The following CDH4 variants were observed in gnomAD, a reference collection of about 807,000 sequenced individuals.
CDH4 encodes the protein cadherin-4.
Under a neutral mutation model 86.0 loss-of-function variants are expected in CDH4, and 33 were observed. The ratio of observed to expected loss-of-function variants is 0.38; its 90% CI spans 0.29 to 0.51. The LOEUF (loss-of-function observed/expected upper bound fraction) is 0.51. Ranked by LOEUF, CDH4 falls within the 20% of genes least tolerant of loss-of-function variation. The pLI, the probability that CDH4 is intolerant of heterozygous loss-of-function variation, is 0.86. For missense variants in CDH4, 1,114 were observed against 1,307.4 expected, an observed-to-expected ratio of 0.85 and a Z score of 2.28; for synonymous variants, 555 against 549.4, an observed-to-expected ratio of 1.01 and a Z score of -0.14.
intron 2 of CDH4, among the ~76,000 whole-genome samples, chr20:61,736,511 C>T (rs2088264631): frequency 6.6e-6 from 1 of 152,140 alleles, no homozygotes; most frequent in African/African-American, 2.4e-5. Flanking sequence ...TGTCCTGCCC[C>T]ACACTCTCAG....
intron 4 of CDH4, among the ~76,000 whole-genome samples, chr20:61,839,594 T>C (rs1184987066): frequency 6.6e-6 from 1 of 151,544 alleles, no homozygotes; most frequent in Non-Finnish European, 1.5e-5. Context: ...TGTGTATGTG[T>C]ATTGAGTGTA....
At chr20:61,872,391 A>C (rs1983843259) in intron 6 of CDH4, among the ~76,000 whole-genome samples, 3 of 152,176 alleles carry the variant, frequency 2.0e-5, no homozygotes, top group Admixed American at 2.0e-4. Context: ...AGAGGGAAGA[A>C]CGTTCCAGAT....
At chr20:61,820,135 A>G (rs1980939103) in intron 4 of CDH4, among the ~76,000 whole-genome samples, 1 of 151,998 alleles carries the variant, frequency 6.6e-6, no homozygotes, top group Non-Finnish European at 1.5e-5. Context: ...GTCTTCCCAA[A>G]CCGGTTTTGC....
chr20:61,408,851 C>A (rs2085098904), intron 2 of CDH4, among the ~76,000 whole-genome samples: 1 of 152,114 alleles, frequency 6.6e-6, no homozygotes, highest in Non-Finnish European at 1.5e-5. Context: ...TCCTCAGTAC[C>A]CCAGGCCCTC....
chr20:61,835,291 C>T (rs1277006126), intron 4 of CDH4, among the ~76,000 whole-genome samples: 1 of 152,160 alleles, frequency 6.6e-6, no homozygotes, highest in Non-Finnish European at 1.5e-5. Flanking sequence ...TCTTGAACTC[C>T]TGGCCTCAAG....
Position 61,937,274 on chromosome 20 carries a change from CT to C in CDH4, c.*335del, listed in dbSNP as rs1359278281. On this transcript the variant is annotated 3_prime_UTR_variant, in exon 16 of 16. Transcript: ENST00000614565. ...GAAAAAAAAAAAAAAAAGAAAGTGC[CT>C]TTTGGTACATGTATCAGATTCCCTC... 5.3e-6 allele frequency: 1 copy of C among 188,112 alleles called. No individual in the cohort carries two copies. Among genetic ancestry groups the C allele is most frequent in the Non-Finnish European group, 1.1e-5 (1 of 95,008 alleles). The allele number at this position is 188,112 out of a possible 1,614,324, so 11.7% of individuals were successfully genotyped here. A position where few individuals can be genotyped will look rare whatever the true frequency, so the allele number is the denominator to read the frequency against.
intron 2 of CDH4, among the ~76,000 whole-genome samples, chr20:61,607,858 G>A (rs1050439645): frequency 5.3e-5 from 8 of 152,220 alleles, no homozygotes; most frequent in African/African-American, 1.9e-4. Context: ...TGATGCTTTT[G>A]TTGTATGGAC....
chr20:61,866,219 T>C (rs1262318970), intron 6 of CDH4, among the ~76,000 whole-genome samples: 3 of 152,214 alleles, frequency 2.0e-5, no homozygotes, highest in Non-Finnish European at 4.4e-5. Flanking sequence ...AACATAGGTC[T>C]CAATGCTTGG....
chr20:61,272,960 G>A (rs1176999830), intron 2 of CDH4, among the ~76,000 whole-genome samples: 1 of 113,792 alleles, frequency 8.8e-6, no homozygotes. Flanking sequence ...GAGTATTGGG[G>A]GAGTACCATG....
In CDH4 at chr20:61,929,765, C is replaced by T. The variant is rs2055085850; in HGVS notation, c.2162C>T (p.Thr721Ile). 5 of 1,614,038 alleles carry T rather than the reference C, an allele frequency of 3.1e-6. No individual in the cohort carries two copies. The highest frequency in any genetic ancestry group is 1.1e-5 in the South Asian group (1 of 91,096). The change falls in exon 13 of 16, where the codon ACC (threonine) becomes ATC (isoleucine). Residue 721 changes from threonine to isoleucine, a missense_variant. By Grantham distance (89) the Thr-to-Ile change is moderately conservative (BLOSUM62 -1). Transcript: ENST00000614565. ...CPCDDNGDCT[T>I]IGAVAAAGLG... is the part of the protein sequence containing the mutation. ...TGTGATGACAACGGGGACTGCACCA[C>T]CATTGGCGCAGTGGCAGCGGCTGGT...
intron 4 of CDH4, among the ~76,000 whole-genome samples, chr20:61,831,776 G>A (rs1175273123): frequency 6.6e-6 from 1 of 152,256 alleles, no homozygotes; most frequent in Non-Finnish European, 1.5e-5. Context: ...GGGATTCCCA[G>A]CGTTAAGGGG....
chr20:61,765,219 G>T (rs1326745381), intron 3 of CDH4, among the ~76,000 whole-genome samples: 1 of 152,132 alleles, frequency 6.6e-6, no homozygotes, highest in African/African-American at 2.4e-5. Flanking sequence ...GCCGCTCAGG[G>T]CTCGGAGGGG....
At chr20:61,522,316 G>T (rs2085875737) in intron 2 of CDH4, among the ~76,000 whole-genome samples, 1 of 152,174 alleles carries the variant, frequency 6.6e-6, no homozygotes, top group Non-Finnish European at 1.5e-5. Context: ...AGGGATCCCA[G>T]ACCCCAAGGG....
In CDH4 at chr20:61,925,253, C is replaced by T. The variant is rs575206164; in HGVS notation, c.1771+777C>T. On this transcript the variant is annotated intron_variant, in intron 11 of 15. Transcript: ENST00000614565. ...AAGCAGCCACCCCTTCCTGGACCTG[C>T]AGTAACCCTGCGAACTGGCCGAGCC... Among the ~76,000 whole-genome samples the T allele has an allele frequency of 1.6e-3, 240 of 152,300 alleles. 4 individuals are homozygous for T. The highest frequency in any genetic ancestry group is 6.3e-4 in the Non-Finnish European group (43 of 68,022).
intron 2 of CDH4, among the ~76,000 whole-genome samples, chr20:61,312,240 T>C (rs1420648031): frequency 6.6e-6 from 1 of 151,626 alleles, no homozygotes; most frequent in East Asian, 1.9e-4. Flanking sequence ...TGTGCATGTG[T>C]GTGGTGTGTG....
At chr20:61,307,273 C>T (rs2084422395) in intron 2 of CDH4, among the ~76,000 whole-genome samples, 1 of 151,982 alleles carries the variant, frequency 6.6e-6, no homozygotes, top group South Asian at 2.1e-4. Flanking sequence ...TCAGCACCTG[C>T]ATGCTCCAAC....
intron 2 of CDH4, among the ~76,000 whole-genome samples, chr20:61,620,186 G>A (rs1056512813): frequency 2.9e-5 from 4 of 138,434 alleles, no homozygotes; most frequent in African/African-American, 8.3e-5. Context: ...GGGTGGGTGG[G>A]TGGATGGATG....
In CDH4 at chr20:61,703,204, G is replaced by C. The variant is rs550213769; in HGVS notation, c.170-40359G>C. Among the ~76,000 whole-genome samples, 1 of 152,304 alleles carries C rather than the reference G, an allele frequency of 6.6e-6. No homozygotes were observed. The highest frequency in any genetic ancestry group is 2.4e-5 in the African/African-American group (1 of 41,582). On this transcript the variant is annotated intron_variant, in intron 2 of 15. Transcript: ENST00000614565. This position sits in a 1 kb window ranked among gnomAD's most constrained non-coding sequence, Gnocchi z 4.3. ...CGAGCTCAGAACACACAGGCCTTGGGTTGTTTGTCTTTTCCTGACTTCTAT... is the reference window on the plus strand; with the variant it reads ...CGAGCTCAGAACACACAGGCCTTGGCTTGTTTGTCTTTTCCTGACTTCTAT...
chr20:61,912,875 C>T (rs2054865399), intron 9 of CDH4, among the ~76,000 whole-genome samples: 1 of 152,210 alleles, frequency 6.6e-6, no homozygotes. Flanking sequence ...CTCAAGCTAA[C>T]ATTCTAGCTC....
Sources: allele counts gnomAD v4.1 joint callset (sites outside exome capture counted in the v4.1 genomes callset), GRCh38; gene constraint gnomAD v4.1.1; non-coding constraint Gnocchi (gnomAD v3.1); transcripts MANE v1.5; gene names NCBI Gene and HGNC (gene_info 2026-07-23, HGNC 2026-07-21).